Variants in NTRK3 observed in about 807,000 individuals in gnomAD.
NTRK3 encodes the protein NT-3 growth factor receptor.
NTRK3 carries 24 observed loss-of-function variants against 91.7 expected under a neutral mutation model. The observed-to-expected ratio is 0.26, with a 90% CI of 0.19 to 0.37. The LOEUF (loss-of-function observed/expected upper bound fraction) is 0.37, where lower values mean the gene tolerates loss of function less well. Ranked by LOEUF, NTRK3 falls within the 10% of genes least tolerant of loss-of-function variation. NTRK3 has a pLI of 1.00. For missense variants in NTRK3, 880 were observed against 1,068.9 expected (o/e 0.82, Z 2.46); for synonymous variants, 483 against 404.0 (o/e 1.20, Z -2.34).
intron 17 of NTRK3, among the ~76,000 whole-genome samples, chr15:87,901,575 C>A (rs1952463724): frequency 6.6e-6 from 1 of 152,198 alleles, no homozygotes; most frequent in Non-Finnish European, 1.5e-5. Flanking sequence ...TTGAGTTGGG[C>A]TAAGTTCTTG....
chr15:88,169,069 G>A (rs570481415), intron 5 of NTRK3, among the ~76,000 whole-genome samples: 6 of 152,332 alleles, frequency 3.9e-5, no homozygotes, highest in East Asian at 3.9e-4. Flanking sequence ...TGGGGGTATC[G>A]AGGGAAGCGC....
chr15:88,150,174 A>C (rs142825638), intron 5 of NTRK3, among the ~76,000 whole-genome samples: 3 of 152,312 alleles, frequency 2.0e-5, no homozygotes, highest in Non-Finnish European at 4.4e-5. Context: ...ACTGGTGGGA[A>C]CTAGCAGGCC....
At chr15:87,864,851 C>A in exon 19 of NTRK3, 1 of 228,652 alleles carries the variant, frequency 4.4e-6, no homozygotes, top group Admixed American at 5.7e-5. Flanking sequence ...AGAGAGTGGG[C>A]TCTATTATTT....
intron 3 of NTRK3, among the ~76,000 whole-genome samples, chr15:88,238,433 G>C (rs2052010850): frequency 6.6e-6 from 1 of 151,730 alleles, no homozygotes; most frequent in Non-Finnish European, 1.5e-5. Flanking sequence ...ATTACCATTG[G>C]GTCAAATGCC....
chr15:88,026,409 A>C (rs1273424407), intron 14 of NTRK3, among the ~76,000 whole-genome samples: 1 of 152,240 alleles, frequency 6.6e-6, no homozygotes, highest in Non-Finnish European at 1.5e-5. Context: ...TATGATTCCA[A>C]CAATATGACA....
intron 14 of NTRK3, among the ~76,000 whole-genome samples, chr15:87,941,098 C>G (rs969618399): frequency 1.3e-5 from 2 of 152,166 alleles, no homozygotes; most frequent in South Asian, 2.1e-4. Context: ...GTTTTGTGCA[C>G]ATGAATCCCC....
At chr15:87,874,857 T>C in exon 19 of NTRK3, 2 of 231,444 alleles carry the variant, frequency 8.6e-6, no homozygotes, top group Non-Finnish European at 1.7e-5. Flanking sequence ...CTTGAGGTGG[T>C]CAATCCAAAC....
At chr15:88,162,752 G>C (rs1483992771) in intron 5 of NTRK3, among the ~76,000 whole-genome samples, 6 of 152,220 alleles carry the variant, frequency 3.9e-5, no homozygotes, top group African/African-American at 1.4e-4. Flanking sequence ...TGGGGAGGCA[G>C]ATGGGCTTTA....
intron 17 of NTRK3, among the ~76,000 whole-genome samples, chr15:87,888,131 T>C (rs2065652662): frequency 6.6e-6 from 1 of 152,278 alleles, no homozygotes; most frequent in African/African-American, 2.4e-5. Flanking sequence ...GATCATTGCC[T>C]TTCCCTGACC....
exon 19 of NTRK3, chr15:87,863,978 C>CACACACACACAT (rs2064592699): frequency 1.0e-5 from 2 of 192,390 alleles, no homozygotes; most frequent in African/African-American, 5.4e-5. Flanking sequence ...GCAAAATACA[C>CACACACACACAT]ACACACACAC....
intron 17 of NTRK3, among the ~76,000 whole-genome samples, chr15:87,883,214 G>T (rs191645327): frequency 1.0e-3 from 154 of 149,954 alleles, no homozygotes; most frequent in African/African-American, 3.6e-3. Flanking sequence ...TGAAAAAAAG[G>T]ATTCAAAATG....
At chr15:87,882,705 T>C (rs530808243) in intron 17 of NTRK3, among the ~76,000 whole-genome samples, 7 of 152,246 alleles carry the variant, frequency 4.6e-5, no homozygotes, top group African/African-American at 1.7e-4. Context: ...CAGTGATTAA[T>C]TGTTGAGATT....
At chr15:88,112,845 C>G (rs1159488413) in intron 13 of NTRK3, among the ~76,000 whole-genome samples, 1 of 152,156 alleles carries the variant, frequency 6.6e-6, no homozygotes, top group Non-Finnish European at 1.5e-5. Flanking sequence ...TCCAATGCAC[C>G]TGGAAGACCC....
chr15:88,168,628 G>A lies in NTRK3; in HGVS notation c.395+14790C>T, dbSNP rs1415437288. On this transcript the variant is annotated intron_variant, in intron 5 of 18. Transcript: ENST00000394480. The stretch of plus-strand genomic sequence containing the variant: ...CAAATGGACAGCTGGCACAGGGAGG[G>A]GAGCCCCACTGCCTCCTGCAGGGAG... 7.2e-5 allele frequency among the ~76,000 whole-genome samples: 11 copies of A among 152,350 alleles called. No individual in the cohort carries two copies. In the East Asian group the frequency reaches 1.3e-3, roughly 19 times the overall value.
chr15:88,147,993 C>A (rs922554005), intron 5 of NTRK3, among the ~76,000 whole-genome samples: 8 of 152,170 alleles, frequency 5.3e-5, no homozygotes, highest in Admixed American at 2.0e-4. Flanking sequence ...AGAAGAAACA[C>A]GCCCACGGTT....
intron 17 of NTRK3, among the ~76,000 whole-genome samples, chr15:87,910,530 G>T (rs2067027071): frequency 6.6e-6 from 1 of 152,218 alleles, no homozygotes. Context: ...GAACTCTCCA[G>T]GGGAGGCTTA....
chr15:87,976,440 C>T lies in NTRK3; in HGVS notation c.1586-35687G>A, dbSNP rs199760637. On this transcript the variant is annotated intron_variant, in intron 14 of 18. Coordinates refer to ENST00000394480, the Ensembl canonical transcript of NTRK3. ...ACTTTACTTGTCTCATCTCTACTGC[C>T]TCAATGACTGAGCTCCATCAGGGAT... 2.5e-4 allele frequency among the ~76,000 whole-genome samples: 38 copies of T among 152,304 alleles called. 1 individual carries two copies. The East Asian group carries it at 7.0e-3, about 28-fold the overall frequency.
chr15:88,178,181 G>A (rs191033985), intron 5 of NTRK3, among the ~76,000 whole-genome samples: 23 of 152,300 alleles, frequency 1.5e-4, no homozygotes, highest in Non-Finnish European at 2.9e-4. Context: ...TCAGTGCAGA[G>A]GTAAGGGGGA....
chr15:87,962,607 T>C (rs960566906), intron 14 of NTRK3, among the ~76,000 whole-genome samples: 10 of 152,184 alleles, frequency 6.6e-5, no homozygotes, highest in Non-Finnish European at 1.3e-4. Flanking sequence ...TTGACTTCTC[T>C]CCAGTTTGTG....
Sources: gnomAD v4.1 joint callset for allele counts (sites outside exome capture counted in the v4.1 genomes callset) on GRCh38, gnomAD v4.1.1 for gene constraint, MANE v1.5 for transcripts, NCBI Gene and HGNC (gene_info 2026-07-23, HGNC 2026-07-21) for gene names.